EDN1: variants seen among roughly 807,000 people sequenced by gnomAD.
EDN1 encodes endothelin 1.
Under a neutral mutation model 21.7 loss-of-function variants are expected in EDN1, and 11 were observed. The ratio of observed to expected loss-of-function variants is 0.51; its 90% CI spans 0.32 to 0.84. The LOEUF (loss-of-function observed/expected upper bound fraction) is 0.84, where lower values mean the gene tolerates loss of function less well. Ranked by LOEUF, EDN1 falls within the 40% of genes least tolerant of loss-of-function variation. The pLI is 0.03. For synonymous variants in EDN1, 85 were observed against 90.6 expected, an observed-to-expected ratio of 0.94 and a Z score of 0.35; for missense variants, 244 against 262.3, an observed-to-expected ratio of 0.93 and a Z score of 0.48.
chr6:12,280,438 TTAA>T, the EDN1 span, among the ~76,000 whole-genome samples: 1 of 152,222 alleles, frequency 6.6e-6, no homozygotes, highest in East Asian at 1.9e-4. Context: ...ACTATTTTAT[TTAA>T]TAATATTTAA....
the EDN1 span, among the ~76,000 whole-genome samples, chr6:12,233,783 T>C: frequency 1.3e-5 from 2 of 152,152 alleles, no homozygotes; most frequent in African/African-American, 4.8e-5. Flanking sequence ...GGAAGTGGGC[T>C]TTGAAATACC....
the EDN1 span, among the ~76,000 whole-genome samples, chr6:12,281,733 G>A: frequency 6.6e-5 from 10 of 152,278 alleles, no homozygotes; most frequent in South Asian, 2.1e-3. Context: ...CTATTTTTCT[G>A]ATATGTTATA....
At chr6:12,249,363 A>T in the EDN1 span, among the ~76,000 whole-genome samples, 19 of 152,088 alleles carry the variant, frequency 1.2e-4, no homozygotes, top group Non-Finnish European at 2.9e-5. Flanking sequence ...GAACTACATT[A>T]TATGGATTGT....
chr6:12,266,411 AG>A, the EDN1 span, among the ~76,000 whole-genome samples: 5 of 152,340 alleles, frequency 3.3e-5, no homozygotes, highest in East Asian at 1.9e-4. Context: ...GGAAGAACAC[AG>A]TGGGACCGGT....
At chr6:12,287,708 T>TCA (rs1238623776), upstream of EDN1, among the ~76,000 whole-genome samples, 2 of 76,148 alleles carry the variant, frequency 2.6e-5, no homozygotes, top group Non-Finnish European at 5.7e-5. Flanking sequence ...TCTCTCTCTC[T>TCA]CTCTCACACA....
chr6:12,284,043 G>A, the EDN1 span, among the ~76,000 whole-genome samples: 1 of 152,040 alleles, frequency 6.6e-6, no homozygotes, highest in Admixed American at 6.6e-5. Flanking sequence ...TTTCCTCCGG[G>A]GGTATCTGTT....
At chr6:12,268,451 C>A in the EDN1 span, among the ~76,000 whole-genome samples, 13 of 152,070 alleles carry the variant, frequency 8.5e-5, no homozygotes, top group Non-Finnish European at 1.5e-4. Context: ...CTTTTTAGGT[C>A]TTACATTTAA....
chr6:12,286,851 C>T (rs566016435), upstream of EDN1, among the ~76,000 whole-genome samples: 4 of 152,248 alleles, frequency 2.6e-5, no homozygotes, highest in Non-Finnish European at 4.4e-5. Flanking sequence ...TGGTGGCTCA[C>T]GCCTGTAATC....
intron 3 of EDN1, 65 bp from the exon 4 acceptor site, chr6:12,294,196 A>G (rs764945093): frequency 5.0e-6 from 8 of 1,613,492 alleles, no homozygotes; most frequent in South Asian, 1.1e-5. Flanking sequence ...TAACAGAGAC[A>G]TTGAAAGTCA....
At chr6:12,237,656 A>G in the EDN1 span, among the ~76,000 whole-genome samples, 1 of 151,890 alleles carries the variant, frequency 6.6e-6, no homozygotes, top group African/African-American at 2.4e-5. Flanking sequence ...ATGACCTGCT[A>G]CTCCGGGGCT....
the EDN1 span, among the ~76,000 whole-genome samples, chr6:12,252,632 G>C: frequency 2.6e-5 from 4 of 152,180 alleles, no homozygotes; most frequent in Admixed American, 6.6e-5. Flanking sequence ...ACGCAAGGTG[G>C]GGGCCTGACT....
At chr6:12,283,530 G>A in the EDN1 span, among the ~76,000 whole-genome samples, 1 of 152,090 alleles carries the variant, frequency 6.6e-6, no homozygotes, top group Non-Finnish European at 1.5e-5. Flanking sequence ...TTTTAATGGC[G>A]ACACAGTCCA....
chr6:12,294,629 T>C (rs1794849), intron 4 of EDN1, among the ~76,000 whole-genome samples: 97,411 of 152,062 alleles, frequency 0.64, 33,568 homozygotes, highest in East Asian at 0.96. Flanking sequence ...TCCTCTGTAC[T>C]TTTAGCACAT....
At chr6:12,282,420 G>A in the EDN1 span, among the ~76,000 whole-genome samples, 1 of 152,202 alleles carries the variant, frequency 6.6e-6, no homozygotes, top group South Asian at 2.1e-4. Flanking sequence ...CTACTTTCCA[G>A]TTCATGAGAT....
the EDN1 span, among the ~76,000 whole-genome samples, chr6:12,275,959 G>C: frequency 6.6e-6 from 1 of 151,994 alleles, no homozygotes; most frequent in Non-Finnish European, 1.5e-5. Flanking sequence ...TCAGGAGATC[G>C]AGACCATCCT....
chr6:12,276,126 C>A, the EDN1 span, among the ~76,000 whole-genome samples: 1 of 131,012 alleles, frequency 7.6e-6, no homozygotes, highest in South Asian at 2.3e-4. Flanking sequence ...CGCGCCACTG[C>A]ACTCCAGCCT....
At chr6:12,246,245 G>C in the EDN1 span, among the ~76,000 whole-genome samples, 1 of 152,150 alleles carries the variant, frequency 6.6e-6, no homozygotes, top group Non-Finnish European at 1.5e-5. Context: ...AAGCCACCTG[G>C]TGGGCAAGGG....
At chr6:12,261,701 G>A in the EDN1 span, among the ~76,000 whole-genome samples, 4 of 152,208 alleles carry the variant, frequency 2.6e-5, no homozygotes, top group African/African-American at 9.7e-5. Flanking sequence ...GGGGAATTAC[G>A]TCATCAGGGG....
chr6:12,276,652 C>T, the EDN1 span, among the ~76,000 whole-genome samples: 2 of 152,138 alleles, frequency 1.3e-5, no homozygotes, highest in Admixed American at 6.5e-5. Flanking sequence ...GAAGACTTCC[C>T]CAGGGAGGAG....
Sources: gnomAD v4.1 joint callset for allele counts (sites outside exome capture counted in the v4.1 genomes callset) on GRCh38, gnomAD v4.1.1 for gene constraint, MANE v1.5 for transcripts, NCBI Gene and HGNC (gene_info 2026-07-23, HGNC 2026-07-21) for gene names.